Variants in PIWIL1 observed in about 807,000 individuals in gnomAD.
PIWIL1 encodes the protein piwi-like protein 1.
A neutral mutation model predicts 114.4 loss-of-function variants in PIWIL1; 73 were observed. The observed-to-expected ratio is 0.64, with a 90% CI of 0.53 to 0.78. The LOEUF is 0.78. PIWIL1 is among the 30% of genes least tolerant of loss of function. The pLI is 0.00. For missense variants in PIWIL1, 723 were observed against 1,063.1 expected (o/e 0.68, Z 4.45); for synonymous variants, 375 against 369.0 (o/e 1.02, Z -0.19).
the PIWIL1 span, among the ~76,000 whole-genome samples, chr12:130,423,563 G>A: frequency 1.3e-5 from 2 of 151,814 alleles, no homozygotes; most frequent in East Asian, 1.9e-4. Flanking sequence ...CGGCAGGGCC[G>A]GCGGGGAGAA....
chr12:130,393,064 T>C, the PIWIL1 span, among the ~76,000 whole-genome samples: 23 of 136,394 alleles, frequency 1.7e-4, no homozygotes, highest in African/African-American at 6.0e-4. Flanking sequence ...CTGGTGCATA[T>C]TGAATGTTGT....
intron 3 of PIWIL1, among the ~76,000 whole-genome samples, chr12:130,344,127 TTCA>T (rs1484116825): frequency 2.6e-5 from 4 of 152,306 alleles, no homozygotes; most frequent in Admixed American, 2.6e-4. Flanking sequence ...CAGAACTGAT[TTCA>T]TCATTGTTTA....
chr12:130,394,647 A>C, the PIWIL1 span, among the ~76,000 whole-genome samples: 1 of 129,886 alleles, frequency 7.7e-6, no homozygotes, highest in South Asian at 2.6e-4. Flanking sequence ...AATTTCTGGA[A>C]GGTTGGGGAT....
intron 19 of PIWIL1, among the ~76,000 whole-genome samples, chr12:130,369,501 A>G (rs2073760202): frequency 6.6e-6 from 1 of 150,742 alleles, no homozygotes; most frequent in Non-Finnish European, 1.5e-5. Context: ...GAACTAATTT[A>G]CATTCCCACC....
chr12:130,382,224 T>C, the PIWIL1 span, among the ~76,000 whole-genome samples: 2 of 152,236 alleles, frequency 1.3e-5, no homozygotes, highest in Admixed American at 6.5e-5. Flanking sequence ...CCCTTCCTGA[T>C]CTGGATCAAC....
At chr12:130,344,169 C>T (rs905389507) in intron 3 of PIWIL1, among the ~76,000 whole-genome samples, 5 of 152,102 alleles carry the variant, frequency 3.3e-5, no homozygotes, top group Non-Finnish European at 7.4e-5. Context: ...TGGATTTTTG[C>T]GTCCAGAACT....
chr12:130,384,838 A>G, the PIWIL1 span, among the ~76,000 whole-genome samples: 1 of 150,740 alleles, frequency 6.6e-6, no homozygotes, highest in Non-Finnish European at 1.5e-5. Flanking sequence ...TTAAAAAATA[A>G]AAAGATGACT....
chr12:130,400,969 TG>T, the PIWIL1 span, among the ~76,000 whole-genome samples: 1 of 152,092 alleles, frequency 6.6e-6, no homozygotes, highest in Admixed American at 6.6e-5. Context: ...GCACTTTTGG[TG>T]GGAAGGTGAG....
At chr12:130,340,646 TGGGGGGAGGGGGGTTGG>T (rs1565937926) in intron 1 of PIWIL1, among the ~76,000 whole-genome samples, 2 of 72,806 alleles carry the variant, frequency 2.7e-5, no homozygotes, top group East Asian at 5.0e-4. Context: ...GGAGGGGGGG[TGGGGGGAGGGGGGTTGG>T]TGGTGGTGGT....
At chr12:130,409,872 T>C in the PIWIL1 span, among the ~76,000 whole-genome samples, 2 of 152,238 alleles carry the variant, frequency 1.3e-5, no homozygotes, top group African/African-American at 4.8e-5. Context: ...AGTTTTTTTG[T>C]GTGTGAACGT....
chr12:130,410,627 G>A, the PIWIL1 span, among the ~76,000 whole-genome samples: 10 of 152,260 alleles, frequency 6.6e-5, no homozygotes, highest in South Asian at 1.7e-3. Context: ...TCCTTTCTCC[G>A]TTGAATTGCC....
chr12:130,360,500 G>A (rs946177570), intron 14 of PIWIL1, among the ~76,000 whole-genome samples: 11 of 152,132 alleles, frequency 7.2e-5, no homozygotes, highest in African/African-American at 2.4e-4. Context: ...AGGCATGGTG[G>A]TGCGAACCTG....
chr12:130,357,199 T>A, intron 13 of PIWIL1, 94 bp downstream of exon 13: 1 of 1,037,216 alleles, frequency 9.6e-7, no homozygotes, highest in Non-Finnish European at 1.4e-6. Flanking sequence ...TTATCTTAAT[T>A]GAAAGGTTTG....
chr12:130,403,588 A>C, the PIWIL1 span, among the ~76,000 whole-genome samples: 1 of 152,246 alleles, frequency 6.6e-6, no homozygotes, highest in Non-Finnish European at 1.5e-5. Flanking sequence ...GCAGTCTAAA[A>C]AGATACTGAA....
chr12:130,362,009 T>C (rs1480654485), intron 16 of PIWIL1, among the ~76,000 whole-genome samples: 6 of 152,236 alleles, frequency 3.9e-5, no homozygotes, highest in African/African-American at 1.2e-4. Context: ...TTGCCAAGAA[T>C]AGTAATATAT....
rs114020766 is a variant in PIWIL1 at position 130,357,572 on chromosome 12, T to C, written c.1665+19T>C. The C allele has an allele frequency of 1.4e-3, 2,125 of 1,553,008 alleles. 29 individuals are homozygous for C. The African/African-American group carries it at 0.026, about 19-fold the overall frequency. Reference sequence around the variant, plus strand: ...CCAGATAGTAAGTAACTAATTGACATATAGGCAGTTTTCGGTGAAAGAGCT... The same window carrying C: ...CCAGATAGTAAGTAACTAATTGACACATAGGCAGTTTTCGGTGAAAGAGCT... On this transcript the variant is annotated intron_variant, in intron 14 of 20. Transcript: ENST00000245255.
At position 130,355,540 on chromosome 12, in the gene PIWIL1, G is replaced by C. The variant is rs2073341143; in HGVS notation, c.1290-13G>C. 4 of 1,574,920 alleles carry C rather than the reference G, an allele frequency of 2.5e-6. No homozygotes were observed. Among genetic ancestry groups the C allele is most frequent in the Admixed American group, 3.3e-5 (2 of 59,962 alleles). ...TCTTTGTTGAGTCGCATGTAAATGT[G>C]TTAAATTTACAGAAACGATAATGTT... On this transcript the variant is annotated splice_polypyrimidine_tract_variant and intron_variant, in intron 11 of 20. Transcript: ENST00000245255.
At chr12:130,403,221 A>G in the PIWIL1 span, among the ~76,000 whole-genome samples, 4 of 152,230 alleles carry the variant, frequency 2.6e-5, no homozygotes, top group Admixed American at 2.6e-4. Context: ...TTGTTTATCA[A>G]ATAAGAAATA....
the PIWIL1 span, chr12:130,383,393 G>C: frequency 6.6e-6 from 1 of 152,182 alleles, no homozygotes; most frequent in Non-Finnish European, 1.5e-5. Context: ...GCAAACCAGA[G>C]CCCCCACTTG....
Sources: gnomAD v4.1 joint callset for allele counts (sites outside exome capture counted in the v4.1 genomes callset) on GRCh38, gnomAD v4.1.1 for gene constraint, MANE v1.5 for transcripts, NCBI Gene and HGNC (gene_info 2026-07-23, HGNC 2026-07-21) for gene names.